The following SH3D19 variants were observed in gnomAD, a reference collection of about 807,000 sequenced individuals.
SH3D19 encodes the protein SH3 domain-containing protein 19.
SH3D19 carries 58 observed loss-of-function variants against 112.1 expected under a neutral mutation model. The ratio of observed to expected loss-of-function variants is 0.52; its 90% CI spans 0.42 to 0.64. The LOEUF (loss-of-function observed/expected upper bound fraction) is 0.64, where lower values mean the gene tolerates loss of function less well. Ranked by LOEUF, SH3D19 falls within the 30% of genes least tolerant of loss-of-function variation. The probability of loss-of-function intolerance (pLI) is 0.00; values close to 1 mark genes in which losing one functional copy is unlikely to be tolerated. For synonymous variants in SH3D19, 391 were observed against 448.5 expected, an observed-to-expected ratio of 0.87 and a Z score of 1.62; for missense variants, 1,090 against 1,263.4, an observed-to-expected ratio of 0.86 and a Z score of 2.08.
chr4:151,301,786 A>G (rs1282374310), intron 1 of SH3D19, among the ~76,000 whole-genome samples: 1 of 152,198 alleles, frequency 6.6e-6, no homozygotes, highest in Non-Finnish European at 1.5e-5. Flanking sequence ...TAAAGATATC[A>G]AGACTCTACA....
Position 151,284,032 on chromosome 4 carries a change from A to G in SH3D19, c.112+41209T>C, listed in dbSNP as rs143670553. On this transcript the variant is annotated intron_variant, in intron 1 of 19. Transcript: ENST00000604030. ...ACCTTTGATTGTCAGCAGTTTGAATATGATGTACTAGGTGTGGTTTTCTTT... is the reference window on the plus strand; with the variant it reads ...ACCTTTGATTGTCAGCAGTTTGAATGTGATGTACTAGGTGTGGTTTTCTTT... 4.6e-5 allele frequency among the ~76,000 whole-genome samples: 7 copies of G among 152,244 alleles called. No homozygotes were observed. The East Asian group carries it at 1.4e-3, about 29-fold the overall frequency.
Position 151,198,420 on chromosome 4 carries a change from AAT to A in SH3D19, c.153-10959_153-10958del, listed in dbSNP as rs1222670885. 9.7e-5 allele frequency among the ~76,000 whole-genome samples: 14 copies of A among 143,998 alleles called. No homozygotes were observed. The East Asian group carries it at 1.6e-3, about 16-fold the overall frequency. 94.5% of individuals were successfully genotyped at this position (143,998 alleles called of 152,430 possible). A position where few individuals can be genotyped will look rare whatever the true frequency, so the allele number is the denominator to read the frequency against. On this transcript the variant is annotated intron_variant, in intron 2 of 19. Transcript: ENST00000604030. ...ATATCATATATTATATATTATATAAAATATATATTATATAAAATATATATAAA... is the reference window on the plus strand; with the variant it reads ...ATATCATATATTATATATTATATAAAATATATTATATAAAATATATATAAA...
intron 17 of SH3D19, among the ~76,000 whole-genome samples, chr4:151,129,068 CTCT>C (rs1750044577): frequency 6.6e-6 from 1 of 152,192 alleles, no homozygotes; most frequent in Non-Finnish European, 1.5e-5. Context: ...ATCAGTGAAG[CTCT>C]TCTTTATTTA....
chr4:151,276,998 C>T (rs1200889876), intron 1 of SH3D19, among the ~76,000 whole-genome samples: 2 of 152,180 alleles, frequency 1.3e-5, no homozygotes, highest in Admixed American at 6.5e-5. Context: ...TGCAGCTGCA[C>T]TTCTGAAGTC....
chr4:151,198,503 C>T (rs2149879801), intron 2 of SH3D19, among the ~76,000 whole-genome samples: 1 of 147,658 alleles, frequency 6.8e-6, no homozygotes, highest in East Asian at 2.0e-4. Context: ...AATGTGAATG[C>T]CCTAGCCACC....
intron 1 of SH3D19, among the ~76,000 whole-genome samples, chr4:151,265,015 T>C (rs1772665394): frequency 6.6e-6 from 1 of 152,084 alleles, no homozygotes; most frequent in African/African-American, 2.4e-5. Flanking sequence ...GCTAATAAAA[T>C]CATTGTTTAA....
chr4:151,151,214 G>C (rs917286649), intron 9 of SH3D19, among the ~76,000 whole-genome samples: 3 of 152,080 alleles, frequency 2.0e-5, no homozygotes, highest in Non-Finnish European at 2.9e-5. Flanking sequence ...ACCCGCCTTG[G>C]CCTCCCAAAG....
At chr4:151,194,399 A>C (rs1763099882) in intron 2 of SH3D19, among the ~76,000 whole-genome samples, 2 of 152,074 alleles carry the variant, frequency 1.3e-5, no homozygotes, top group Non-Finnish European at 2.9e-5. Context: ...AGGTCTAAAG[A>C]GGTGTCTATT....
intron 2 of SH3D19, among the ~76,000 whole-genome samples, chr4:151,221,214 A>G (rs1767984909): frequency 2.0e-5 from 3 of 152,240 alleles, no homozygotes; most frequent in Admixed American, 2.0e-4. Context: ...TGGCCTCTAA[A>G]AACACAAACA....
At chr4:151,168,172 T>C (rs942957176) in intron 7 of SH3D19, among the ~76,000 whole-genome samples, 6 of 149,720 alleles carry the variant, frequency 4.0e-5, no homozygotes, top group Non-Finnish European at 7.4e-5. Flanking sequence ...ACGAGGTTTA[T>C]TAGAAGGTGA....
rs530992096 is a variant in SH3D19, at chr4:151,171,649, G to A, written c.1534+3021C>T. ...AACACTGATGATGAAGTAGTTTTCCGCCCATTACCTGTCTCTAATAATATG... is the reference window on the plus strand; with the variant it reads ...AACACTGATGATGAAGTAGTTTTCCACCCATTACCTGTCTCTAATAATATG... On this transcript the variant is annotated intron_variant, in intron 7 of 19. Transcript: ENST00000604030. Among the ~76,000 whole-genome samples the A allele has an allele frequency of 5.9e-5, 9 of 152,222 alleles. 1 individual carries two copies. The highest frequency in any genetic ancestry group is 6.5e-5 in the Admixed American group (1 of 15,280).
At chr4:151,200,452 T>G (rs527268277) in intron 2 of SH3D19, among the ~76,000 whole-genome samples, 4 of 152,284 alleles carry the variant, frequency 2.6e-5, no homozygotes, top group African/African-American at 9.6e-5. Context: ...AAAGCTAATA[T>G]TAAAGGTTCA....
chr4:151,149,581 CT>C lies in SH3D19; in HGVS notation c.1756-21del. On this transcript the variant is annotated intron_variant, in intron 9 of 19. Coordinates refer to ENST00000604030, the MANE Select transcript of SH3D19 (RefSeq NM_001378122.1). The stretch of plus-strand genomic sequence containing the variant: ...GGATTCCTGCAAGTAGCAGAGAATG[CT>C]TTTTAGTTAAGGTTAATCTGAAACA... 6.2e-7 allele frequency: 1 copy of C among 1,607,732 alleles called. No individual in the cohort carries two copies. Among genetic ancestry groups the C allele is most frequent in the Non-Finnish European group, 8.5e-7 (1 of 1,176,676 alleles).
Position 151,251,058 on chromosome 4 carries a change from AATG to A in SH3D19, c.113-24975_113-24973del, listed in dbSNP as rs151214237. ...TCATCATAATCTGCCTTTAGGATTAAATGATTTTTCACCAGACCTTAGGCACTA... is the reference window on the plus strand; with the variant it reads ...TCATCATAATCTGCCTTTAGGATTAAATTTTTCACCAGACCTTAGGCACTA... On this transcript the variant is annotated intron_variant, in intron 1 of 19. Coordinates refer to ENST00000604030, the MANE Select transcript of SH3D19 (RefSeq NM_001378122.1). 7.2e-5 allele frequency among the ~76,000 whole-genome samples: 11 copies of A among 152,266 alleles called. No homozygotes were observed. In the East Asian group the frequency reaches 2.1e-3, roughly 29 times the overall value.
At chr4:151,279,053 C>A in intron 1 of SH3D19, 1 of 386,840 alleles carries the variant, frequency 2.6e-6, no homozygotes, top group South Asian at 2.2e-5. Flanking sequence ...GTGCTGTTGT[C>A]AGTATCCACC....
intron 1 of SH3D19, among the ~76,000 whole-genome samples, chr4:151,280,221 G>C (rs182913938): frequency 7.6e-5 from 4 of 52,942 alleles, no homozygotes; most frequent in Non-Finnish European, 3.0e-4. Context: ...GATTTTTGTC[G>C]TGTTTTTGGG....
At chr4:151,319,107 G>A (rs758004907) in intron 1 of SH3D19, among the ~76,000 whole-genome samples, 2 of 152,186 alleles carry the variant, frequency 1.3e-5, no homozygotes, top group Non-Finnish European at 2.9e-5. Flanking sequence ...CTGGAGTGCA[G>A]TGGTGTGATC....
intron 7 of SH3D19, among the ~76,000 whole-genome samples, chr4:151,171,388 CA>C (rs1307585477): frequency 1.3e-5 from 2 of 152,048 alleles, no homozygotes; most frequent in African/African-American, 4.8e-5. Flanking sequence ...AAACAAAAAA[CA>C]AAAAACACGG....
intron 11 of SH3D19, among the ~76,000 whole-genome samples, chr4:151,146,845 A>T (rs527254924): frequency 1.2e-4 from 19 of 152,242 alleles, no homozygotes; most frequent in African/African-American, 4.3e-4. Context: ...CTGTTTTTTA[A>T]CTGTGGGAAA....
Sources: gnomAD v4.1 joint callset for allele counts (sites outside exome capture counted in the v4.1 genomes callset) on GRCh38, gnomAD v4.1.1 for gene constraint, MANE v1.5 for transcripts, NCBI Gene and HGNC (gene_info 2026-07-23, HGNC 2026-07-21) for gene names.